GLIS3: variants seen among roughly 807,000 people sequenced by gnomAD.
GLIS3 encodes the protein zinc finger protein GLIS3.
A neutral mutation model predicts 78.6 loss-of-function variants in GLIS3; 53 were observed. The ratio of observed to expected loss-of-function variants is 0.67; its 90% CI spans 0.54 to 0.85. The LOEUF (loss-of-function observed/expected upper bound fraction) is 0.85. GLIS3 is among the 40% of genes least tolerant of loss of function. The pLI, the probability that GLIS3 is intolerant of heterozygous loss-of-function variation, is 0.00. For synonymous variants in GLIS3, 684 were observed against 509.9 expected (o/e 1.34, Z -4.60); for missense variants, 1,703 against 1,231.1 (o/e 1.38, Z -5.74).
chr9:4,075,595 C>T lies in GLIS3; in HGVS notation c.1710+42173G>A, dbSNP rs139287610. On this transcript the variant is annotated intron_variant, in intron 4 of 10. Coordinates refer to ENST00000381971, the MANE Select transcript of GLIS3 (RefSeq NM_001042413.2). ...CGTCTCAAAACAAAACAAAACAAAA[C>T]AAAAAAGATATTCGATAGGGATCAA... Among the ~76,000 whole-genome samples the T allele has an allele frequency of 6.4e-3, 978 of 151,838 alleles. 10 individuals are homozygous for T. The highest frequency in any genetic ancestry group is 0.022 in the African/African-American group (923 of 41,450).
chr9:4,031,515 G>A (rs1210907733), intron 4 of GLIS3, among the ~76,000 whole-genome samples: 1 of 152,194 alleles, frequency 6.6e-6, no homozygotes, highest in African/African-American at 2.4e-5. Flanking sequence ...CGATTGATGG[G>A]TAGATTTATC....
intron 4 of GLIS3, among the ~76,000 whole-genome samples, chr9:3,980,226 T>G (rs1819141935): frequency 6.6e-6 from 1 of 152,216 alleles, no homozygotes; most frequent in Non-Finnish European, 1.5e-5. Context: ...GTAAATGGCT[T>G]TTTGTGCTAG....
chr9:4,411,655 G>A, the GLIS3 span, among the ~76,000 whole-genome samples: 3 of 152,104 alleles, frequency 2.0e-5, no homozygotes, highest in Admixed American at 6.6e-5. Context: ...TTATGGTGCT[G>A]TATGCTGTAT....
chr9:4,211,659 A>T (rs1485350463), intron 2 of GLIS3, among the ~76,000 whole-genome samples: 1 of 152,144 alleles, frequency 6.6e-6, no homozygotes, highest in African/African-American at 2.4e-5. Context: ...CAGAAATCCC[A>T]CTCGTAAATA....
At chr9:4,472,852 T>C in the GLIS3 span, among the ~76,000 whole-genome samples, 10 of 152,170 alleles carry the variant, frequency 6.6e-5, no homozygotes, top group Non-Finnish European at 1.5e-4. Flanking sequence ...TTAAATGAAC[T>C]TAGCAAGATT....
chr9:4,320,629 A>G (rs762239044), intron 2 of GLIS3, among the ~76,000 whole-genome samples: 3 of 152,000 alleles, frequency 2.0e-5, no homozygotes, highest in Non-Finnish European at 4.4e-5. Context: ...TACCACCTAC[A>G]CCATCACCAT....
chr9:4,281,838 T>TC (rs1254119887), intron 2 of GLIS3, among the ~76,000 whole-genome samples: 1 of 152,196 alleles, frequency 6.6e-6, no homozygotes, highest in Non-Finnish European at 1.5e-5. Context: ...CTCAAGCTAG[T>TC]AGTTTGCCTG....
chr9:4,417,147 G>A, the GLIS3 span, among the ~76,000 whole-genome samples: 913 of 152,228 alleles, frequency 6.0e-3, 5 homozygotes, highest in South Asian at 0.022. Flanking sequence ...AATAGTCGAT[G>A]ACCAATCAAG....
chr9:4,043,894 C>A (rs76643669), intron 4 of GLIS3, among the ~76,000 whole-genome samples: 1,593 of 152,302 alleles, frequency 0.01, 27 homozygotes, highest in African/African-American at 0.036. Context: ...GGGTTGGGGG[C>A]TCCCAGATAT....
chr9:4,236,184 CAAAAA>C (rs59839951), intron 2 of GLIS3, among the ~76,000 whole-genome samples: 13 of 84,306 alleles, frequency 1.5e-4, no homozygotes, highest in Non-Finnish European at 1.4e-4. Context: ...GTGGTTGTCA[CAAAAA>C]AAAAAAAAAA....
chr9:4,217,998 C>A (rs1208504863), intron 2 of GLIS3, among the ~76,000 whole-genome samples: 30 of 152,164 alleles, frequency 2.0e-4, no homozygotes, highest in Admixed American at 1.9e-3. Flanking sequence ...CTTCTCCCTC[C>A]ACTCACATTA....
intron 6 of GLIS3, among the ~76,000 whole-genome samples, chr9:3,910,017 T>A (rs1271272814): frequency 1.3e-5 from 2 of 152,342 alleles, no homozygotes; most frequent in East Asian, 1.9e-4. Context: ...TTTGTCTAAA[T>A]CCTTTTGATG....
the GLIS3 span, among the ~76,000 whole-genome samples, chr9:4,406,690 T>C: frequency 1.3e-5 from 2 of 152,134 alleles, no homozygotes; most frequent in African/African-American, 4.8e-5. Flanking sequence ...TAAAAAGCAA[T>C]CCCATTTACA....
chr9:4,348,850 C>T (rs894479040), upstream of GLIS3, among the ~76,000 whole-genome samples: 7 of 151,968 alleles, frequency 4.6e-5, no homozygotes, highest in Non-Finnish European at 7.4e-5. Flanking sequence ...ATAGAAAATA[C>T]GGAAATTATA....
chr9:4,072,711 T>A (rs1383924575), intron 4 of GLIS3, among the ~76,000 whole-genome samples: 1 of 151,446 alleles, frequency 6.6e-6, no homozygotes. Flanking sequence ...TTTCTGCACA[T>A]GACAGGGTAT....
intron 4 of GLIS3, among the ~76,000 whole-genome samples, chr9:3,987,092 T>C (rs896170121): frequency 3.3e-5 from 5 of 151,828 alleles, no homozygotes; most frequent in African/African-American, 1.2e-4. Context: ...TTGAAACAAA[T>C]GGAAAAAATT....
intron 2 of GLIS3, among the ~76,000 whole-genome samples, chr9:4,168,518 G>C (rs149893643): frequency 2.0e-5 from 3 of 152,240 alleles, no homozygotes; most frequent in African/African-American, 4.8e-5. Flanking sequence ...ATTGAATTGT[G>C]ATAAAAGCAA....
At chr9:4,425,522 C>T in the GLIS3 span, among the ~76,000 whole-genome samples, 1 of 152,206 alleles carries the variant, frequency 6.6e-6, no homozygotes, top group Non-Finnish European at 1.5e-5. Flanking sequence ...GAAGGATTTT[C>T]TCATAGGCTT....
intron 8 of GLIS3, among the ~76,000 whole-genome samples, chr9:3,869,730 G>C (rs1476081788): frequency 1.3e-5 from 2 of 152,088 alleles, no homozygotes; most frequent in African/African-American, 4.8e-5. Flanking sequence ...ACCTTCCTTA[G>C]GACCTATCAC....
Sources: allele counts gnomAD v4.1 joint callset (sites outside exome capture counted in the v4.1 genomes callset), GRCh38; gene constraint gnomAD v4.1.1; transcripts MANE v1.5; gene names NCBI Gene and HGNC (gene_info 2026-07-23, HGNC 2026-07-21).